HYAL2: variants seen among roughly 807,000 people sequenced by gnomAD.
The protein encoded by HYAL2 is hyaluronidase 2, also known as hyaluronidase-2.
In HYAL2, 30 loss-of-function variants were observed where a neutral mutation model predicts 35.4. The observed-to-expected ratio is 0.85, with a 90% CI of 0.63 to 1.15. The LOEUF (loss-of-function observed/expected upper bound fraction) is 1.15. Among genes scored for constraint, HYAL2 ranks in the 50% most tolerant of loss-of-function variants. The probability of loss-of-function intolerance (pLI) is 0.00; values close to 1 mark genes in which losing one functional copy is unlikely to be tolerated. For missense variants in HYAL2, 635 were observed against 646.5 expected, an observed-to-expected ratio of 0.98 and a Z score of 0.19; for synonymous variants, 262 against 252.8, an observed-to-expected ratio of 1.04 and a Z score of -0.34.
chr3:50,319,354 T>C (rs587753920), intron 2 of HYAL2, among the ~76,000 whole-genome samples: 5 of 152,334 alleles, frequency 3.3e-5, no homozygotes, highest in Admixed American at 6.5e-5. Context: ...CTGGGAAGCT[T>C]TGGGCAAACT....
Position 50,319,955 on chromosome 3 carries a change from A to G in HYAL2, c.535T>C (p.Phe179Leu). Residue 179 changes from phenylalanine to leucine, a missense_variant, in exon 2 of 4, where the codon TTT becomes CTT. Physicochemically the swap from Phe to Leu is conservative, Grantham distance 22. Coordinates refer to ENST00000357750, the MANE Select transcript of HYAL2 (RefSeq NM_003773.5). ...ATGAACTGCTGTGCTGCGAACTCAAACTCATATTGTGCCTGTTTGACTATG... is the reference window on the plus strand; with the variant it reads ...ATGAACTGCTGTGCTGCGAACTCAAGCTCATATTGTGCCTGTTTGACTATG... Reference protein sequence around the residue: ...DRIVKQAQYEFEFAAQQFMLE... With the variant: ...DRIVKQAQYELEFAAQQFMLE... The G allele has an allele frequency of 6.2e-7, 1 of 1,613,520 alleles. No individual in the cohort carries two copies. Among genetic ancestry groups the G allele is most frequent in the Non-Finnish European group, 8.5e-7 (1 of 1,180,032 alleles).
rs1553715884 is a variant in HYAL2, at chr3:50,318,368, G to T, written c.1183C>A (p.Arg395Ser). The change falls in exon 4 of 4, where the codon CGC (arginine) becomes AGC (serine). Residue 395 changes from arginine (R) to serine (S), a missense_variant. Transcript: ENST00000357750. This position sits in a 1 kb window ranked among gnomAD's most constrained non-coding sequence, Gnocchi z 4.5. ...CCAGGTGCATGGCCAGGCACTAGGC[G>T]GAAACTGTTGGTGCTGAGATGCAGG... ...TFLHLSTNSF[R>S]LVPGHAPGEP... 1 of 1,613,434 alleles carries T rather than the reference G, an allele frequency of 6.2e-7. No homozygotes were observed.
chr3:50,319,681 A>T lies in HYAL2; in HGVS notation c.809T>A (p.Phe270Tyr), dbSNP rs782585007. 6.2e-7 allele frequency: 1 copy of T among 1,613,960 alleles called. No individual in the cohort carries two copies. The highest frequency in any genetic ancestry group is 8.5e-7 in the Non-Finnish European group (1 of 1,180,042). Residue 270 changes from phenylalanine to tyrosine, a missense_variant, in exon 2 of 4, where the codon TTC (phenylalanine) becomes TAC (tyrosine). Phe to Tyr is a conservative substitution (Grantham distance 22). Coordinates refer to ENST00000357750, the MANE Select transcript of HYAL2 (RefSeq NM_003773.5). ...SSRHGRNFVS[F>Y]RVQEALRVAR... is the part of the protein sequence containing the mutation. Reference sequence around the variant, plus strand: ...CACACGAAGGGCCTCCTGAACACGGAAGCTCACAAAGTTGCGGCCATGGCG... The same window carrying T: ...CACACGAAGGGCCTCCTGAACACGGTAGCTCACAAAGTTGCGGCCATGGCG...
In HYAL2 at chr3:50,317,944, G is replaced by T. The variant is rs1237829111; in HGVS notation, c.*185C>A. 3 of 572,732 alleles carry T rather than the reference G, an allele frequency of 5.2e-6. No homozygotes were observed. The highest frequency in any genetic ancestry group is 9.0e-6 in the Non-Finnish European group (3 of 332,482). 35.5% of individuals were successfully genotyped at this position (572,732 alleles called of 1,614,324 possible). A position where few individuals can be genotyped will look rare whatever the true frequency, so the allele number is the denominator to read the frequency against. ...TTCCCCTCTGGCAGGGAGAGAAGGG[G>T]CCTCCCAGGGACTTCCCCTCCCCCT... is the stretch of plus-strand genomic sequence containing the variant. On this transcript the variant is annotated 3_prime_UTR_variant, in exon 4 of 4. Coordinates refer to ENST00000357750, the MANE Select transcript of HYAL2 (RefSeq NM_003773.5).
chr3:50,322,530 A>G lies in HYAL2; in HGVS notation c.-47+123T>C, dbSNP rs937599009. 6.6e-6 allele frequency: 1 copy of G among 151,940 alleles called. No individual in the cohort carries two copies. Among genetic ancestry groups the G allele is most frequent in the South Asian group, 2.1e-4 (1 of 4,804 alleles). The allele number at this position is 151,940 out of a possible 1,614,324, so 9.4% of individuals were successfully genotyped here. A position where few individuals can be genotyped will look rare whatever the true frequency, so the allele number is the denominator to read the frequency against. On this transcript the variant is annotated intron_variant, in intron 1 of 3. Coordinates refer to ENST00000357750, the MANE Select transcript of HYAL2 (RefSeq NM_003773.5). This position sits in a 1 kb window ranked among gnomAD's most constrained non-coding sequence, Gnocchi z 5.5. ...GGTCCGCTCCCTTGTGCGAGACTCA[A>G]CTCCCAAAAGGGCCCGCGTCTGCAC...
chr3:50,320,500 G>C lies in HYAL2; in HGVS notation c.-11C>G. 6.6e-7 allele frequency: 1 copy of C among 1,521,342 alleles called. No homozygotes were observed. 94.2% of individuals were successfully genotyped at this position (1,521,342 alleles called of 1,614,324 possible). A position where few individuals can be genotyped will look rare whatever the true frequency, so the allele number is the denominator to read the frequency against. ...TGGGCCTGCCCGCATGCTGGGGGCT[G>C]CAGGAGGTGTCACCTGCCTGGCACC... On this transcript the variant is annotated 5_prime_UTR_variant, in exon 2 of 4. Transcript: ENST00000357750. This position sits in a 1 kb window ranked among gnomAD's most constrained non-coding sequence, Gnocchi z 4.8.
At position 50,317,999 on chromosome 3, in the gene HYAL2, T is replaced by A; in HGVS notation, c.*130A>T. 1 of 987,528 alleles carries A rather than the reference T, an allele frequency of 1.0e-6. No homozygotes were observed. Among genetic ancestry groups the A allele is most frequent in the Non-Finnish European group, 1.5e-6 (1 of 662,542 alleles). The allele number at this position is 987,528 out of a possible 1,614,324, so 61.2% of individuals were successfully genotyped here. ...ACAGGGGGGTGCGAGCTGGTATGGA[T>A]GCCCTCCTGGGCTTCCTGGGGGCTC... On this transcript the variant is annotated 3_prime_UTR_variant, in exon 4 of 4. Transcript: ENST00000357750.
rs113372853 is a variant in HYAL2, at chr3:50,318,576, G to T, written c.1012-37C>A. On this transcript the variant is annotated intron_variant, in intron 3 of 3. Transcript: ENST00000357750. This position sits in a 1 kb window ranked among gnomAD's most constrained non-coding sequence, Gnocchi z 4.5. ...AGACAAGGACCACAGGTCAGGGTCA[G>T]CTGCCTCAGCCCACAGGCCCAGATG... 3.5e-5 allele frequency: 54 copies of T among 1,557,732 alleles called. 2 individuals are homozygous for T. In the African/African-American group the frequency reaches 4.6e-4, roughly 13 times the overall value.
Position 50,320,566 on chromosome 3 carries a change from T to C in HYAL2, c.-46-31A>G. ...AGAAGGGTTGGGGAGAACAAGTCAG[T>C]CTAGGGAATACTGGAAGTGCCCACC... On this transcript the variant is annotated intron_variant, in intron 1 of 3. Coordinates refer to ENST00000357750, the MANE Select transcript of HYAL2 (RefSeq NM_003773.5). The surrounding 1 kb of genome is among the most constrained non-coding windows in gnomAD (Gnocchi z 4.8). The C allele has an allele frequency of 7.5e-7, 1 of 1,326,332 alleles. No individual in the cohort carries two copies. The allele number at this position is 1,326,332 out of a possible 1,614,324, so 82.2% of individuals were successfully genotyped here.
chr3:50,320,767 T>G lies in HYAL2; in HGVS notation c.-46-232A>C. 2.1e-6 allele frequency: 1 copy of G among 466,752 alleles called. No homozygotes were observed. The highest frequency in any genetic ancestry group is 3.8e-6 in the Non-Finnish European group (1 of 263,402). The allele number at this position is 466,752 out of a possible 1,614,324, so 28.9% of individuals were successfully genotyped here. On this transcript the variant is annotated intron_variant, in intron 1 of 3. Transcript: ENST00000357750. The surrounding 1 kb of genome is among the most constrained non-coding windows in gnomAD (Gnocchi z 4.8). ...TAGCCTGTGGCTCGGCACAAATCTC[T>G]ATTAGGTCTGTGACCCTTCTAAGAA... is the stretch of plus-strand genomic sequence containing the variant.
In HYAL2 at chr3:50,318,630, A is replaced by G; in HGVS notation, c.1012-91T>C. ...ACTGTGTCCACACTGTGATGACTAT[A>G]CCTTATTTTAACTGCACACATTCAT... On this transcript the variant is annotated intron_variant, in intron 3 of 3. Transcript: ENST00000357750. This position sits in a 1 kb window ranked among gnomAD's most constrained non-coding sequence, Gnocchi z 4.5. 8.3e-7 allele frequency: 1 copy of G among 1,204,252 alleles called. No homozygotes were observed. Among genetic ancestry groups the G allele is most frequent in the Non-Finnish European group, 1.2e-6 (1 of 851,106 alleles). 74.6% of individuals were successfully genotyped at this position (1,204,252 alleles called of 1,614,324 possible).
At position 50,320,235 on chromosome 3, in the gene HYAL2, C is replaced by T; in HGVS notation, c.255G>A (p.Leu85=). The change falls in exon 2 of 4, where the codon CTG becomes CTA. Residue 85 remains leucine (L), a synonymous_variant. Coordinates refer to ENST00000357750, the MANE Select transcript of HYAL2 (RefSeq NM_003773.5). The surrounding 1 kb of genome is among the most constrained non-coding windows in gnomAD (Gnocchi z 4.8). Reference sequence around the variant, plus strand: ...TTCCGGCAGAATCGAAGCGTGGATACAGGCCTAGACGGTCGCGGTAGAAGA... The same window carrying T: ...TTCCGGCAGAATCGAAGCGTGGATATAGGCCTAGACGGTCGCGGTAGAAGA... ...ITIFYRDRLG[L]YPRFDSAGRS... 1 of 1,614,030 alleles carries T rather than the reference C, an allele frequency of 6.2e-7. No individual in the cohort carries two copies.
At position 50,318,709 on chromosome 3, in the gene HYAL2, G is replaced by C. The variant is rs587636647; in HGVS notation, c.1012-170C>G. 1.7e-4 allele frequency: 127 copies of C among 752,028 alleles called. No homozygotes were observed. In the African/African-American group the frequency reaches 2.2e-3, roughly 13 times the overall value. 46.6% of individuals were successfully genotyped at this position (752,028 alleles called of 1,614,324 possible). A position where few individuals can be genotyped will look rare whatever the true frequency, so the allele number is the denominator to read the frequency against. On this transcript the variant is annotated intron_variant, in intron 3 of 3. Coordinates refer to ENST00000357750, the MANE Select transcript of HYAL2 (RefSeq NM_003773.5). This position sits in a 1 kb window ranked among gnomAD's most constrained non-coding sequence, Gnocchi z 4.5. ...TCCCTGCTCCTGCTGAGAAGTGGGT[G>C]GGGGTACAGACCGGAACCCAGTTGG...
In HYAL2 at chr3:50,318,783, T is replaced by C; in HGVS notation, c.1011+173A>G. Reference sequence around the variant, plus strand: ...AACAGCTGTTCAGGACAGCATTTCCTCTTTCCTGAGAGCAGGGCCGGGGTG... The same window carrying C: ...AACAGCTGTTCAGGACAGCATTTCCCCTTTCCTGAGAGCAGGGCCGGGGTG... On this transcript the variant is annotated intron_variant, in intron 3 of 3. Coordinates refer to ENST00000357750, the MANE Select transcript of HYAL2 (RefSeq NM_003773.5). The surrounding 1 kb of genome is among the most constrained non-coding windows in gnomAD (Gnocchi z 4.5). The C allele has an allele frequency of 1.5e-6, 1 of 687,154 alleles. No homozygotes were observed. The highest frequency in any genetic ancestry group is 1.8e-5 in the South Asian group (1 of 56,522). The allele number at this position is 687,154 out of a possible 1,614,324, so 42.6% of individuals were successfully genotyped here. A position where few individuals can be genotyped will look rare whatever the true frequency, so the allele number is the denominator to read the frequency against.
At position 50,318,570 on chromosome 3, in the gene HYAL2, G is replaced by A. The variant is rs916639104; in HGVS notation, c.1012-31C>T. 6.4e-7 allele frequency: 1 copy of A among 1,566,260 alleles called. No homozygotes were observed. The highest frequency in any genetic ancestry group is 1.8e-5 in the Admixed American group (1 of 55,646). On this transcript the variant is annotated intron_variant, in intron 3 of 3. Transcript: ENST00000357750. This position sits in a 1 kb window ranked among gnomAD's most constrained non-coding sequence, Gnocchi z 4.5. ...GGCAGAAGACAAGGACCACAGGTCA[G>A]GGTCAGCTGCCTCAGCCCACAGGCC... is the stretch of plus-strand genomic sequence containing the variant.
rs782227307 is a variant in HYAL2, at chr3:50,318,406, C to T, written c.1145G>A (p.Ser382Asn). 1 of 1,613,306 alleles carries T rather than the reference C, an allele frequency of 6.2e-7. No individual in the cohort carries two copies. Among genetic ancestry groups the T allele is most frequent in the Non-Finnish European group, 8.5e-7 (1 of 1,180,048 alleles). ...GCTGAGATGCAGGAAGGTACTGGCA[C>T]TGGGGTTGCGGCGCACACAGCGCCC... is the stretch of plus-strand genomic sequence containing the variant. ...GHGRCVRRNP[S>N]ASTFLHLSTN... The change falls in exon 4 of 4, where the codon AGT becomes AAT. Residue 382 changes from serine to asparagine, a missense_variant. Ser to Asn is a conservative substitution (Grantham distance 46). Coordinates refer to ENST00000357750, the MANE Select transcript of HYAL2 (RefSeq NM_003773.5). This position sits in a 1 kb window ranked among gnomAD's most constrained non-coding sequence, Gnocchi z 4.5.
At position 50,318,063 on chromosome 3, in the gene HYAL2, G is replaced by A; in HGVS notation, c.*66C>T. ...CTCCAGTTTGTCCACCCCCTGCAGG[G>A]TCCTACATGCCTAAGAGAGCCCTTG... On this transcript the variant is annotated 3_prime_UTR_variant, in exon 4 of 4. Coordinates refer to ENST00000357750, the MANE Select transcript of HYAL2 (RefSeq NM_003773.5). This position sits in a 1 kb window ranked among gnomAD's most constrained non-coding sequence, Gnocchi z 4.5. The A allele has an allele frequency of 7.4e-6, 11 of 1,495,370 alleles. No homozygotes were observed. Among genetic ancestry groups the A allele is most frequent in the Non-Finnish European group, 9.9e-6 (11 of 1,114,876 alleles). 92.6% of individuals were successfully genotyped at this position (1,495,370 alleles called of 1,614,324 possible).
At position 50,318,977 on chromosome 3, in the gene HYAL2, G is replaced by T. The variant is rs782469848; in HGVS notation, c.990C>A (p.Asp330Glu). 6.2e-7 allele frequency: 1 copy of T among 1,613,294 alleles called. No individual in the cohort carries two copies. Among genetic ancestry groups the T allele is most frequent in the Non-Finnish European group, 8.5e-7 (1 of 1,179,694 alleles). ...TTACCGTGCTTGTGGTGTACCCCGCGTCACCCCAGAGGATGACACCAGCTG... is the reference window on the plus strand; with the variant it reads ...TTACCGTGCTTGTGGTGTACCCCGCTTCACCCCAGAGGATGACACCAGCTG... ...LGAAGVILWGDAGYTTSTETC... is the reference protein window; with the variant it reads ...LGAAGVILWGEAGYTTSTETC... The change falls in exon 3 of 4, where the codon GAC (aspartate) becomes GAA (glutamate). Residue 330 changes from aspartate (D) to glutamate (E), a missense_variant. Asp to Glu is a conservative substitution (Grantham distance 45, BLOSUM62 2). Transcript: ENST00000357750. The surrounding 1 kb of genome is among the most constrained non-coding windows in gnomAD (Gnocchi z 4.5).
At chr3:50,321,366 C>G (rs1027971523) in intron 1 of HYAL2, 3 of 152,118 alleles carry the variant, frequency 2.0e-5, no homozygotes, top group Non-Finnish European at 2.9e-5. Context: ...CCGCCCTCAC[C>G]TCGCGCGGGG....
Sources: gnomAD v4.1 joint callset for allele counts (sites outside exome capture counted in the v4.1 genomes callset) on GRCh38, gnomAD v4.1.1 for gene constraint, Gnocchi (gnomAD v3.1) non-coding constraint, MANE v1.5 for transcripts, NCBI Gene and HGNC (gene_info 2026-07-23, HGNC 2026-07-21) for gene names.